The following SND1 variants were observed in gnomAD, a reference collection of about 807,000 sequenced individuals.
The protein encoded by SND1 is staphylococcal nuclease domain-containing protein 1.
A neutral mutation model predicts 121.7 loss-of-function variants in SND1; 38 were observed. The ratio of observed to expected loss-of-function variants is 0.31; its 90% CI spans 0.24 to 0.41. The LOEUF is 0.41. SND1 is among the 10% of genes least tolerant of loss of function. The probability of loss-of-function intolerance (pLI) is 1.00; values close to 1 mark genes in which losing one functional copy is unlikely to be tolerated. For synonymous variants in SND1, 401 were observed against 447.4 expected (o/e 0.90, Z 1.31); for missense variants, 868 against 1,184.6 (o/e 0.73, Z 3.92).
intron 14 of SND1, among the ~76,000 whole-genome samples, chr7:127,915,124 C>T (rs1275663467): frequency 2.0e-5 from 3 of 152,072 alleles, no homozygotes; most frequent in East Asian, 1.9e-4. Flanking sequence ...CTCAGGTGAT[C>T]CTCCTGCATT....
intron 15 of SND1, among the ~76,000 whole-genome samples, chr7:127,971,635 C>T (rs570685702): frequency 2.0e-5 from 3 of 152,238 alleles, no homozygotes; most frequent in South Asian, 4.1e-4. Context: ...CCATTCTTGA[C>T]CCCTAGTTTA....
In SND1 at chr7:127,827,069, A is replaced by G. The variant is rs1161880991; in HGVS notation, c.1243-17255A>G. ...CTTTTACGTGGTTTCCTATCCTCGC[A>G]CTTCAGATATTATTCTGATATTTAG... On this transcript the variant is annotated intron_variant, in intron 11 of 23. Coordinates refer to ENST00000354725, the MANE Select transcript of SND1 (RefSeq NM_014390.4). Among the ~76,000 whole-genome samples, 4 of 152,228 alleles carry G rather than the reference A, an allele frequency of 2.6e-5. No individual in the cohort carries two copies. The East Asian group carries it at 7.7e-4, about 29-fold the overall frequency.
At chr7:127,713,873 T>C (rs947239270) in intron 9 of SND1, among the ~76,000 whole-genome samples, 6 of 152,218 alleles carry the variant, frequency 3.9e-5, no homozygotes, top group Admixed American at 3.9e-4. Flanking sequence ...CAGAGAAGCA[T>C]GTTCACTTCA....
At chr7:127,806,182 A>G (rs948552401) in intron 10 of SND1, among the ~76,000 whole-genome samples, 1 of 152,198 alleles carries the variant, frequency 6.6e-6, no homozygotes, top group Non-Finnish European at 1.5e-5. Context: ...TATTTCTTAT[A>G]CAAAGACAAA....
At chr7:128,008,446 T>C (rs1025104520) in intron 16 of SND1, among the ~76,000 whole-genome samples, 3 of 151,546 alleles carry the variant, frequency 2.0e-5, no homozygotes, top group African/African-American at 4.8e-5. Flanking sequence ...CTCTTACAGG[T>C]TGGGGGCTTT....
At chr7:127,658,976 C>A (rs555459850) in intron 1 of SND1, among the ~76,000 whole-genome samples, 27 of 152,288 alleles carry the variant, frequency 1.8e-4, no homozygotes, top group African/African-American at 6.5e-4. Flanking sequence ...TAGTAGATAT[C>A]CTTTAGAGTC....
chr7:127,832,463 A>G (rs745693224), intron 11 of SND1, among the ~76,000 whole-genome samples: 1 of 152,234 alleles, frequency 6.6e-6, no homozygotes, highest in African/African-American at 2.4e-5. Context: ...CAGCAACTAG[A>G]GAAGTAGATA....
intron 18 of SND1, among the ~76,000 whole-genome samples, chr7:128,083,261 A>G (rs124756): frequency 0.72 from 108,984 of 152,198 alleles, 40,512 homozygotes; most frequent in African/African-American, 0.91. Context: ...TTGGCAGGAG[A>G]CAAAGTCCTG....
At chr7:127,708,738 A>T (rs1796249077) in intron 9 of SND1, among the ~76,000 whole-genome samples, 1 of 152,142 alleles carries the variant, frequency 6.6e-6, no homozygotes, top group Admixed American at 6.6e-5. Context: ...TGAGTAGTAG[A>T]CCTGCTCTCT....
rs761145782 is a variant in SND1 at position 127,721,347 on chromosome 7, A to G, written c.1099A>G (p.Thr367Ala). The G allele has an allele frequency of 1.2e-6, 2 of 1,613,694 alleles. No individual in the cohort carries two copies. Among genetic ancestry groups the G allele is most frequent in the East Asian group, 2.2e-5 (1 of 44,864 alleles). Residue 367 changes from threonine to alanine, a missense_variant, in exon 10 of 24, where the codon ACG (threonine) becomes GCG (alanine). Physicochemically the swap from Thr to Ala is moderately conservative, Grantham distance 58. Transcript: ENST00000354725. ...VVKLNSGDYK[T>A]IHLSSIRPPR... ...GAAGCTGAACTCAGGCGATTACAAG[A>G]CGATTCACCTGTCCAGCATCCGACC...
intron 11 of SND1, among the ~76,000 whole-genome samples, chr7:127,815,516 GAGA>G (rs1798422428): frequency 2.0e-5 from 3 of 152,124 alleles, no homozygotes; most frequent in Admixed American, 1.3e-4. Context: ...AGGAGGAGGG[GAGA>G]AGAAGAGAAG....
Position 128,024,822 on chromosome 7 carries a change from C to T in SND1, c.1779+33766C>T, listed in dbSNP as rs79055118. 1.4e-3 allele frequency among the ~76,000 whole-genome samples: 212 copies of T among 152,250 alleles called. 8 individuals carry two copies. The East Asian group carries it at 0.038, about 27-fold the overall frequency. On this transcript the variant is annotated intron_variant, in intron 16 of 23. Coordinates refer to ENST00000354725, the MANE Select transcript of SND1 (RefSeq NM_014390.4). ...TAAAGAGTTAGAGCTGGGGTAGATACAGTGGAGAAGAGGAGCAAAAGACCC... is the reference window on the plus strand; with the variant it reads ...TAAAGAGTTAGAGCTGGGGTAGATATAGTGGAGAAGAGGAGCAAAAGACCC...
At chr7:127,773,349 G>A (rs1034828700) in intron 10 of SND1, among the ~76,000 whole-genome samples, 6 of 152,168 alleles carry the variant, frequency 3.9e-5, no homozygotes, top group African/African-American at 1.4e-4. Context: ...CTACTCAGGA[G>A]GCTGAGGTAG....
At chr7:127,771,467 A>G (rs1195257679) in intron 10 of SND1, among the ~76,000 whole-genome samples, 1 of 152,208 alleles carries the variant, frequency 6.6e-6, no homozygotes, top group African/African-American at 2.4e-5. Flanking sequence ...TATGCTTAAT[A>G]TGAATCATAC....
intron 22 of SND1, among the ~76,000 whole-genome samples, chr7:128,091,553 G>A (rs1793780514): frequency 6.6e-6 from 1 of 152,170 alleles, no homozygotes; most frequent in Admixed American, 6.5e-5. Flanking sequence ...CTCATTAAGA[G>A]GGAGATACTT....
intron 15 of SND1, among the ~76,000 whole-genome samples, chr7:127,972,663 T>C (rs1019357499): frequency 6.6e-6 from 1 of 152,168 alleles, no homozygotes; most frequent in African/African-American, 2.4e-5. Context: ...CGCCGCAACC[T>C]CTGCCCTCTG....
chr7:127,849,473 A>G (rs967410543), intron 12 of SND1, among the ~76,000 whole-genome samples: 3 of 152,236 alleles, frequency 2.0e-5, no homozygotes, highest in African/African-American at 7.2e-5. Flanking sequence ...TCTACAAAAT[A>G]TAACTAGGGT....
intron 15 of SND1, among the ~76,000 whole-genome samples, chr7:127,935,382 A>C (rs1472089178): frequency 6.6e-6 from 1 of 152,232 alleles, no homozygotes; most frequent in African/African-American, 2.4e-5. Flanking sequence ...TTGTTTTCAT[A>C]ATATAAATTT....
intron 10 of SND1, among the ~76,000 whole-genome samples, chr7:127,804,197 G>A (rs1028854122): frequency 6.6e-6 from 1 of 152,052 alleles, no homozygotes; most frequent in African/African-American, 2.4e-5. Flanking sequence ...TTTATTTTGT[G>A]GTTTCTCAGG....
Sources: gnomAD v4.1 joint callset for allele counts (sites outside exome capture counted in the v4.1 genomes callset) on GRCh38, gnomAD v4.1.1 for gene constraint, MANE v1.5 for transcripts, NCBI Gene and HGNC (gene_info 2026-07-23, HGNC 2026-07-21) for gene names.